GALNT14: variants seen among roughly 807,000 people sequenced by gnomAD.
The protein encoded by GALNT14 is UDP-GalNAc:polypeptide N-acetylgalactosaminyltransferase 14.
In GALNT14, 60 loss-of-function variants were observed where a neutral mutation model predicts 77.5. That is an observed-to-expected ratio of 0.77 (90% CI 0.63 to 0.96). GALNT14 has a LOEUF of 0.96. Ranked by LOEUF, GALNT14 falls within the 40% of genes least tolerant of loss-of-function variation. The pLI is 0.00. For missense variants in GALNT14, 710 were observed against 731.0 expected, an observed-to-expected ratio of 0.97 and a Z score of 0.33; for synonymous variants, 280 against 281.7, an observed-to-expected ratio of 0.99 and a Z score of 0.06.
intron 1 of GALNT14, among the ~76,000 whole-genome samples, chr2:31,076,155 T>A (rs1361421973): frequency 1.3e-5 from 2 of 152,214 alleles, no homozygotes; most frequent in Non-Finnish European, 2.9e-5. Flanking sequence ...CAGGACATGA[T>A]GCTGCCCACA....
At chr2:31,079,732 T>C (rs1233412190) in intron 1 of GALNT14, among the ~76,000 whole-genome samples, 1 of 152,128 alleles carries the variant, frequency 6.6e-6, no homozygotes, top group Non-Finnish European at 1.5e-5. Flanking sequence ...CAACACAAAG[T>C]GGTGGTATCA....
chr2:30,975,726 G>A (rs1668588977), intron 2 of GALNT14, among the ~76,000 whole-genome samples: 1 of 152,088 alleles, frequency 6.6e-6, no homozygotes, highest in South Asian at 2.1e-4. Flanking sequence ...CAATGTTACT[G>A]CTGGATAATG....
intron 1 of GALNT14, among the ~76,000 whole-genome samples, chr2:31,108,143 T>C (rs528618376): frequency 1.3e-5 from 2 of 152,264 alleles, no homozygotes; most frequent in Admixed American, 6.5e-5. Flanking sequence ...AGCCAGGCAG[T>C]GTAATTCAGG....
chr2:31,029,853 A>T (rs996915517), intron 1 of GALNT14, among the ~76,000 whole-genome samples: 5 of 152,194 alleles, frequency 3.3e-5, no homozygotes, highest in African/African-American at 4.8e-5. Flanking sequence ...TATTTTGTAT[A>T]TTTGTTACAA....
chr2:31,100,833 T>A (rs767324246), intron 1 of GALNT14, among the ~76,000 whole-genome samples: 1 of 152,026 alleles, frequency 6.6e-6, no homozygotes, highest in Non-Finnish European at 1.5e-5. Flanking sequence ...CTGAACATCA[T>A]AACTTAGCCA....
At chr2:31,111,105 A>T (rs1677811136) in intron 1 of GALNT14, among the ~76,000 whole-genome samples, 1 of 152,214 alleles carries the variant, frequency 6.6e-6, no homozygotes, top group Non-Finnish European at 1.5e-5. Context: ...AGCTGGAATG[A>T]GGCAGAGAAC....
At chr2:30,926,329 T>C (rs1665375958) in intron 11 of GALNT14, among the ~76,000 whole-genome samples, 1 of 152,128 alleles carries the variant, frequency 6.6e-6, no homozygotes, top group African/African-American at 2.4e-5. Context: ...CCTAGATTTC[T>C]GACTTGGGCA....
At chr2:31,135,551 T>C (rs1679190461) in intron 1 of GALNT14, among the ~76,000 whole-genome samples, 1 of 149,456 alleles carries the variant, frequency 6.7e-6, no homozygotes, top group Admixed American at 6.7e-5. Context: ...TAGTAAGAGG[T>C]GTCAAGATTT....
chr2:31,063,007 G>A (rs1674702779), intron 1 of GALNT14, among the ~76,000 whole-genome samples: 1 of 152,172 alleles, frequency 6.6e-6, no homozygotes, highest in Non-Finnish European at 1.5e-5. Flanking sequence ...CTCCCATTCT[G>A]TAGGTTGTCT....
intron 1 of GALNT14, among the ~76,000 whole-genome samples, chr2:31,085,079 T>C (rs1346631382): frequency 6.6e-6 from 1 of 151,180 alleles, no homozygotes; most frequent in African/African-American, 2.4e-5. Context: ...TGGGACACAG[T>C]GTAGTACTCC....
chr2:31,092,226 T>C (rs1332192003), intron 1 of GALNT14, among the ~76,000 whole-genome samples: 1 of 151,818 alleles, frequency 6.6e-6, no homozygotes, highest in East Asian at 1.9e-4. Flanking sequence ...CCTCACCTTG[T>C]GATCATGTGA....
At chr2:31,102,772 T>C (rs931587181) in intron 1 of GALNT14, among the ~76,000 whole-genome samples, 6 of 152,154 alleles carry the variant, frequency 3.9e-5, no homozygotes, top group Non-Finnish European at 8.8e-5. Context: ...CGTGTTTTCG[T>C]CTATTTTCTC....
chr2:31,003,127 T>C (rs1304949274), intron 1 of GALNT14, among the ~76,000 whole-genome samples: 1 of 151,834 alleles, frequency 6.6e-6, no homozygotes, highest in Non-Finnish European at 1.5e-5. Flanking sequence ...TCTGTGGGGG[T>C]TTCTCTCCTT....
At chr2:30,992,480 C>T (rs1669765324) in intron 2 of GALNT14, among the ~76,000 whole-genome samples, 1 of 152,174 alleles carries the variant, frequency 6.6e-6, no homozygotes, top group Admixed American at 6.5e-5. Flanking sequence ...ACTTTGGAAC[C>T]CAGCCTCGGG....
chr2:30,905,885 G>C (rs1376789305), downstream of GALNT14, among the ~76,000 whole-genome samples: 1 of 152,138 alleles, frequency 6.6e-6, no homozygotes, highest in Non-Finnish European at 1.5e-5. Flanking sequence ...CTACAAGCCA[G>C]AAGAGAGTCA....
rs576471226 is a variant in GALNT14, at chr2:30,967,715, C to A, written c.300-1413G>T. 3.6e-4 allele frequency among the ~76,000 whole-genome samples: 55 copies of A among 152,300 alleles called. No individual in the cohort carries two copies. In the South Asian group the frequency reaches 9.7e-3, roughly 27 times the overall value. The stretch of plus-strand genomic sequence containing the variant: ...GTCCTTTTTTCTCAGGGGAGCACTG[C>A]AGCAGCTTCCTGACCCATCTTTCTG... On this transcript the variant is annotated intron_variant, in intron 2 of 14. Coordinates refer to ENST00000349752, the MANE Select transcript of GALNT14 (RefSeq NM_024572.4).
At chr2:31,126,345 T>C (rs1351880198) in intron 1 of GALNT14, among the ~76,000 whole-genome samples, 1 of 151,996 alleles carries the variant, frequency 6.6e-6, no homozygotes, top group Non-Finnish European at 1.5e-5. Flanking sequence ...GGGGTGAGCA[T>C]ATGGAAGTTG....
At chr2:30,969,145 G>C (rs1668191323) in intron 2 of GALNT14, among the ~76,000 whole-genome samples, 1 of 152,236 alleles carries the variant, frequency 6.6e-6, no homozygotes, top group Non-Finnish European at 1.5e-5. Flanking sequence ...GAGCTCAGCA[G>C]AGCCTCCTGG....
At chr2:30,952,763 A>T (rs1226039332) in intron 6 of GALNT14, among the ~76,000 whole-genome samples, 7 of 151,488 alleles carry the variant, frequency 4.6e-5, no homozygotes, top group Admixed American at 2.6e-4. Flanking sequence ...AGCATAATAA[A>T]AAAAAAAAAA....
Sources: gnomAD v4.1 joint callset for allele counts (sites outside exome capture counted in the v4.1 genomes callset) on GRCh38, gnomAD v4.1.1 for gene constraint, MANE v1.5 for transcripts, NCBI Gene and HGNC (gene_info 2026-07-23, HGNC 2026-07-21) for gene names.